Variants in ANO3 observed in about 807,000 individuals in gnomAD.
ANO3 encodes anoctamin-3.
A neutral mutation model predicts 144.8 loss-of-function variants in ANO3; 99 were observed. That is an observed-to-expected ratio of 0.68 (90% CI 0.58 to 0.81). ANO3 has a LOEUF of 0.81. Ranked by LOEUF, ANO3 falls within the 30% of genes least tolerant of loss-of-function variation. ANO3 has a pLI of 0.00. For missense variants in ANO3, 905 were observed against 1,202.2 expected (o/e 0.75, Z 3.66); for synonymous variants, 414 against 392.6 (o/e 1.05, Z -0.64).
intron 1 of ANO3, among the ~76,000 whole-genome samples, chr11:26,387,736 A>G (rs1386969821): frequency 6.6e-6 from 1 of 151,842 alleles, no homozygotes; most frequent in African/African-American, 2.4e-5. Context: ...ATTTTGGTGG[A>G]TGTGATCTGT....
intron 4 of ANO3, among the ~76,000 whole-genome samples, chr11:26,489,376 A>G (rs180830600): frequency 9.8e-4 from 150 of 152,310 alleles, no homozygotes; most frequent in Non-Finnish European, 1.0e-3. Context: ...TCACCAAGAA[A>G]AAGTTTGTTG....
intron 21 of ANO3, 88 bp from the exon 22 acceptor site, chr11:26,641,808 G>T: frequency 7.7e-7 from 1 of 1,304,212 alleles, no homozygotes; most frequent in South Asian, 2.4e-5. Flanking sequence ...AGCTGGAATT[G>T]GTTTTACTCA....
chr11:26,523,525 G>T (rs920746592), intron 6 of ANO3, among the ~76,000 whole-genome samples: 2 of 151,970 alleles, frequency 1.3e-5, no homozygotes, highest in Non-Finnish European at 2.9e-5. Flanking sequence ...AAGGCCCATC[G>T]CATTTTCTAA....
intron 1 of ANO3, among the ~76,000 whole-genome samples, chr11:26,393,049 C>A (rs908308961): frequency 5.9e-5 from 9 of 152,228 alleles, no homozygotes; most frequent in Admixed American, 4.6e-4. Context: ...TGTTAATATG[C>A]AGAAAGGCAA....
At chr11:26,371,744 T>C (rs1326107257) in intron 1 of ANO3, among the ~76,000 whole-genome samples, 1 of 152,242 alleles carries the variant, frequency 6.6e-6, no homozygotes, top group Non-Finnish European at 1.5e-5. Flanking sequence ...GACTGCCCTA[T>C]TTGATTTCAG....
intron 18 of ANO3, among the ~76,000 whole-genome samples, chr11:26,627,106 T>C (rs1277274457): frequency 6.7e-6 from 1 of 149,636 alleles, no homozygotes; most frequent in East Asian, 1.9e-4. Context: ...CTCGGTTTCT[T>C]AAATTCTTTT....
chr11:26,206,074 C>G (rs914539500), intron 1 of ANO3, among the ~76,000 whole-genome samples: 1 of 152,096 alleles, frequency 6.6e-6, no homozygotes, highest in Non-Finnish European at 1.5e-5. Flanking sequence ...ATTTATCAAA[C>G]AGGATTTTAT....
At chr11:26,388,277 A>T (rs1461376) in intron 1 of ANO3, among the ~76,000 whole-genome samples, 59,023 of 151,416 alleles carry the variant, frequency 0.39, 11,915 homozygotes, top group African/African-American at 0.49. Flanking sequence ...CTTTAAAATA[A>T]CTAGCGTTTT....
chr11:26,283,924 T>C (rs1564948121), intron 1 of ANO3, among the ~76,000 whole-genome samples: 1 of 152,174 alleles, frequency 6.6e-6, no homozygotes, highest in East Asian at 1.9e-4. Flanking sequence ...AGCTGATACC[T>C]GCAAGATGCA....
chr11:26,438,609 G>GAAA (rs1222012718), intron 1 of ANO3, among the ~76,000 whole-genome samples: 1 of 73,300 alleles, frequency 1.4e-5, no homozygotes, highest in Non-Finnish European at 2.4e-5. Flanking sequence ...AAAAAAAAAA[G>GAAA]AAAAAAAAAA....
intron 12 of ANO3, among the ~76,000 whole-genome samples, chr11:26,552,254 C>T (rs989344278): frequency 6.6e-6 from 1 of 152,004 alleles, no homozygotes; most frequent in Non-Finnish European, 1.5e-5. Flanking sequence ...TTGATCCCCA[C>T]TTTGGCTTGA....
rs535318851 is a variant in ANO3 at position 26,473,105 on chromosome 11, G to A, written c.432+9957G>A. On this transcript the variant is annotated intron_variant, in intron 4 of 26. Coordinates refer to ENST00000256737, the MANE Select transcript of ANO3 (RefSeq NM_031418.4). ...GTAATATACCATTTGTTCTTTAACTGTTTCAAACATTGTGTGAAGTTATTT... is the reference window on the plus strand; with the variant it reads ...GTAATATACCATTTGTTCTTTAACTATTTCAAACATTGTGTGAAGTTATTT... Among the ~76,000 whole-genome samples the A allele has an allele frequency of 5.9e-4, 89 of 151,932 alleles. 1 individual carries two copies. The highest frequency in any genetic ancestry group is 2.0e-3 in the African/African-American group (83 of 41,504).
At chr11:26,217,332 C>A (rs1345741022) in intron 1 of ANO3, among the ~76,000 whole-genome samples, 1 of 151,862 alleles carries the variant, frequency 6.6e-6, no homozygotes, top group African/African-American at 2.4e-5. Flanking sequence ...TCATCCCCCC[C>A]ATCTATCAAT....
At chr11:26,293,488 C>T (rs1254766724) in intron 1 of ANO3, among the ~76,000 whole-genome samples, 3 of 138,882 alleles carry the variant, frequency 2.2e-5, no homozygotes, top group African/African-American at 8.0e-5. Context: ...AATTTTGATG[C>T]TCAAAAGAAT....
chr11:26,364,687 A>C (rs1343508500), intron 1 of ANO3, among the ~76,000 whole-genome samples: 1 of 152,188 alleles, frequency 6.6e-6, no homozygotes, highest in Non-Finnish European at 1.5e-5. Context: ...AAACTCACTC[A>C]CATCATGAAA....
intron 1 of ANO3, among the ~76,000 whole-genome samples, chr11:26,259,970 C>T (rs564560185): frequency 6.6e-6 from 1 of 152,184 alleles, no homozygotes; most frequent in East Asian, 1.9e-4. Context: ...GGACCTCACC[C>T]TAACCCCATA....
At chr11:26,506,421 A>G (rs1186108745) in intron 4 of ANO3, among the ~76,000 whole-genome samples, 1 of 152,184 alleles carries the variant, frequency 6.6e-6, no homozygotes, top group African/African-American at 2.4e-5. Flanking sequence ...TATGACAATT[A>G]AATAACCTTA....
At chr11:26,637,026 G>C (rs1038214260) in intron 20 of ANO3, among the ~76,000 whole-genome samples, 5 of 152,188 alleles carry the variant, frequency 3.3e-5, no homozygotes, top group African/African-American at 1.2e-4. Context: ...ATGAATGCCT[G>C]TGTCTTCTGC....
chr11:26,406,779 CT>C (rs1210228856), intron 1 of ANO3, among the ~76,000 whole-genome samples: 1 of 146,796 alleles, frequency 6.8e-6, no homozygotes, highest in Non-Finnish European at 1.5e-5. Context: ...TGCCAATTTT[CT>C]TGTTCTGATT....
Sources: allele counts gnomAD v4.1 joint callset (sites outside exome capture counted in the v4.1 genomes callset), GRCh38; gene constraint gnomAD v4.1.1; transcripts MANE v1.5; gene names NCBI Gene and HGNC (gene_info 2026-07-23, HGNC 2026-07-21).